Variants in WNK1 observed in about 807,000 individuals in gnomAD.
WNK1 encodes the protein WNK lysine deficient protein kinase 1.
A neutral mutation model predicts 222.8 loss-of-function variants in WNK1; 38 were observed. The ratio of observed to expected loss-of-function variants is 0.17; its 90% CI spans 0.13 to 0.22. The LOEUF is 0.22. Among genes scored for constraint, WNK1 ranks in the 10% least tolerant of loss-of-function variants. The pLI is 1.00. For synonymous variants in WNK1, 1,090 were observed against 1,092.9 expected, an observed-to-expected ratio of 1.00 and a Z score of 0.05; for missense variants, 2,348 against 2,918.4, an observed-to-expected ratio of 0.80 and a Z score of 4.50.
rs772233111 is a variant in WNK1, at chr12:896,493, A to T, written c.6006A>T (p.Ser2002=). The change falls in exon 24 of 28, where the codon TCA becomes TCT. Residue 2002 remains serine, a synonymous_variant. Transcript: ENST00000315939. Reference sequence around the variant, plus strand: ...CAAAGAAAGAGAAGCCTGAACTGTCAGAGCCTTCACATCTAAATGGGCCGT... The same window carrying T: ...CAAAGAAAGAGAAGCCTGAACTGTCTGAGCCTTCACATCTAAATGGGCCGT... ...VIPKKEKPEL[S]EPSHLNGPSS... 23 of 1,614,020 alleles carry T rather than the reference A, an allele frequency of 1.4e-5. No individual in the cohort carries two copies. In the South Asian group the frequency reaches 2.4e-4, roughly 17 times the overall value.
At chr12:845,062 AT>A (rs1169108940) in intron 4 of WNK1, among the ~76,000 whole-genome samples, 1 of 150,074 alleles carries the variant, frequency 6.7e-6, no homozygotes, top group Non-Finnish European at 1.5e-5. Flanking sequence ...CGCCCGGCTA[AT>A]TTTTTGTATT....
At chr12:793,776 G>GTATGTTT (rs1349091756) in intron 1 of WNK1, among the ~76,000 whole-genome samples, 3 of 152,054 alleles carry the variant, frequency 2.0e-5, no homozygotes, top group African/African-American at 7.2e-5. Flanking sequence ...GCTTTATTGA[G>GTATGTTT]ATAATTCACA....
chr12:895,840 A>T (rs1954690539), intron 23 of WNK1, among the ~76,000 whole-genome samples: 1 of 152,230 alleles, frequency 6.6e-6, no homozygotes, highest in Admixed American at 6.5e-5. Flanking sequence ...TAAATTATTT[A>T]CTTTATAAGC....
At chr12:835,320 A>G (rs2154031655) in intron 4 of WNK1, among the ~76,000 whole-genome samples, 1 of 152,258 alleles carries the variant, frequency 6.6e-6, no homozygotes, top group Non-Finnish European at 1.5e-5. Flanking sequence ...CCTGGACAAT[A>G]GAGTGAAAGC....
At chr12:790,552 C>G (rs996929129) in intron 1 of WNK1, among the ~76,000 whole-genome samples, 1 of 152,250 alleles carries the variant, frequency 6.6e-6, no homozygotes, top group African/African-American at 2.4e-5. Context: ...TTAACATTTC[C>G]CAAGGAATCT....
intron 26 of WNK1, among the ~76,000 whole-genome samples, chr12:902,069 G>A (rs568888357): frequency 2.6e-5 from 4 of 151,962 alleles, no homozygotes; most frequent in South Asian, 4.2e-4. Flanking sequence ...AGGCCGAGGC[G>A]GGAAGATTGC....
At chr12:791,023 G>A (rs753705429) in intron 1 of WNK1, among the ~76,000 whole-genome samples, 1 of 152,092 alleles carries the variant, frequency 6.6e-6, no homozygotes, top group Non-Finnish European at 1.5e-5. Context: ...TTGGATTCTA[G>A]AGACAGTTCT....
At position 784,057 on chromosome 12, in the gene WNK1, CAAA is replaced by C. The variant is rs369176579; in HGVS notation, c.760-29573_760-29571del. Among the ~76,000 whole-genome samples the C allele has an allele frequency of 3.1e-4, 12 of 39,174 alleles. 1 individual carries two copies. Among genetic ancestry groups the C allele is most frequent in the Non-Finnish European group, 4.8e-4 (9 of 18,668 alleles). 25.7% of individuals were successfully genotyped at this position (39,174 alleles called of 152,430 possible). Reference sequence around the variant, plus strand: ...CAACAAACCAAGATGCTGTCTCCACCAAAAAAAAAAAAAAGTATCCAGGCACAG... The same window carrying C: ...CAACAAACCAAGATGCTGTCTCCACCAAAAAAAAAAAGTATCCAGGCACAG... On this transcript the variant is annotated intron_variant, in intron 1 of 27. Coordinates refer to ENST00000315939, the MANE Select transcript of WNK1 (RefSeq NM_018979.4).
At chr12:838,690 A>C (rs2154037298) in intron 4 of WNK1, among the ~76,000 whole-genome samples, 1 of 152,282 alleles carries the variant, frequency 6.6e-6, no homozygotes, top group East Asian at 1.9e-4. Context: ...TGCTGGGATT[A>C]CAGGTGTGAG....
chr12:772,262 T>C (rs1378180379), intron 1 of WNK1, among the ~76,000 whole-genome samples: 2 of 152,232 alleles, frequency 1.3e-5, no homozygotes, highest in Non-Finnish European at 2.9e-5. Context: ...GTGTTTGAAC[T>C]CTGTTTTTAT....
At chr12:760,312 T>A (rs1413707943) in intron 1 of WNK1, among the ~76,000 whole-genome samples, 2 of 147,804 alleles carry the variant, frequency 1.4e-5, no homozygotes, top group African/African-American at 4.9e-5. Context: ...CATTAGTCTT[T>A]GGAAAGTTCA....
intron 1 of WNK1, among the ~76,000 whole-genome samples, chr12:758,679 C>A (rs1258228554): frequency 6.8e-6 from 1 of 147,150 alleles, no homozygotes; most frequent in Non-Finnish European, 1.5e-5. Context: ...TCCCTCTTAT[C>A]TTTTAAATTT....
intron 1 of WNK1, among the ~76,000 whole-genome samples, chr12:769,489 A>C (rs1942207840): frequency 6.6e-6 from 1 of 152,248 alleles, no homozygotes; most frequent in Admixed American, 6.5e-5. Context: ...GGTGTGGGCC[A>C]CAATGCCTAG....
chr12:786,330 G>T (rs1193599788), intron 1 of WNK1, among the ~76,000 whole-genome samples: 4 of 152,118 alleles, frequency 2.6e-5, no homozygotes, highest in Non-Finnish European at 2.9e-5. Context: ...AAGCATGAAT[G>T]TTATATACGT....
At chr12:825,552 A>T (rs1948289595) in intron 2 of WNK1, among the ~76,000 whole-genome samples, 1 of 152,196 alleles carries the variant, frequency 6.6e-6, no homozygotes, top group South Asian at 2.1e-4. Flanking sequence ...AAGTAATTTC[A>T]TATCTTATAC....
intron 12 of WNK1, chr12:881,431 G>A (rs1953150320): frequency 1.9e-6 from 1 of 516,114 alleles, no homozygotes; most frequent in East Asian, 3.6e-5. Context: ...TGGCTGCATG[G>A]CAAGTTGTAG....
At chr12:811,601 G>T (rs751457278) in intron 1 of WNK1, among the ~76,000 whole-genome samples, 20 of 151,994 alleles carry the variant, frequency 1.3e-4, no homozygotes, top group Non-Finnish European at 2.6e-4. Flanking sequence ...TGTTCCTTCT[G>T]ATCTGTGTCT....
chr12:768,571 A>C (rs948911782), intron 1 of WNK1, among the ~76,000 whole-genome samples: 3 of 152,174 alleles, frequency 2.0e-5, no homozygotes, highest in Non-Finnish European at 2.9e-5. Context: ...AATCTTGACC[A>C]TATTCTATCC....
chr12:776,412 T>TTGTGTGTGTGTGTGTGTGTG (rs59148357), intron 1 of WNK1, among the ~76,000 whole-genome samples: 38 of 146,228 alleles, frequency 2.6e-4, no homozygotes, highest in Middle Eastern at 3.5e-3. Flanking sequence ...GTTTGTGTGT[T>TTGTGTGTGTGTGTGTGTGTG]TGTGTGTGTG....
Sources: allele counts gnomAD v4.1 joint callset (sites outside exome capture counted in the v4.1 genomes callset), GRCh38; gene constraint gnomAD v4.1.1; transcripts MANE v1.5; gene names NCBI Gene and HGNC (gene_info 2026-07-23, HGNC 2026-07-21).